The following RIMBP2 variants were observed in gnomAD, a reference collection of about 807,000 sequenced individuals.
RIMBP2 encodes RIMS-binding protein 2.
A neutral mutation model predicts 118.6 loss-of-function variants in RIMBP2; 48 were observed. The ratio of observed to expected loss-of-function variants is 0.40; its 90% CI spans 0.32 to 0.51. The LOEUF (loss-of-function observed/expected upper bound fraction) is 0.51, where lower values mean the gene tolerates loss of function less well. Ranked by LOEUF, RIMBP2 falls within the 20% of genes least tolerant of loss-of-function variation. The pLI is 0.41. For missense variants in RIMBP2, 1,551 were observed against 1,768.3 expected (o/e 0.88, Z 2.20); for synonymous variants, 762 against 742.9 (o/e 1.03, Z -0.42).
intron 1 of RIMBP2, among the ~76,000 whole-genome samples, chr12:130,695,806 G>A (rs2065539532): frequency 6.6e-6 from 1 of 152,026 alleles, no homozygotes; most frequent in Non-Finnish European, 1.5e-5. Flanking sequence ...CAGGGGAGGT[G>A]GGAAGAAGAG....
chr12:130,671,862 A>G (rs912566714), intron 1 of RIMBP2, among the ~76,000 whole-genome samples: 4 of 152,226 alleles, frequency 2.6e-5, no homozygotes, highest in African/African-American at 9.6e-5. Context: ...GAAATGATAC[A>G]ATATTGAAAT....
intron 2 of RIMBP2, among the ~76,000 whole-genome samples, chr12:130,606,467 T>G (rs1053313155): frequency 2.0e-5 from 3 of 152,190 alleles, no homozygotes; most frequent in Admixed American, 2.0e-4. Context: ...GAGGCAGGTC[T>G]TTAGGTGGCT....
At chr12:130,567,564 G>T (rs939737802) in intron 2 of RIMBP2, among the ~76,000 whole-genome samples, 3 of 152,188 alleles carry the variant, frequency 2.0e-5, no homozygotes, top group Non-Finnish European at 4.4e-5. Flanking sequence ...GTCCCTGAGG[G>T]TCTTTGTCCA....
At position 130,415,934 on chromosome 12, in the gene RIMBP2, A is replaced by T. The variant is rs77576392; in HGVS notation, c.3239-1628T>A. On this transcript the variant is annotated intron_variant, in intron 17 of 22. Coordinates refer to ENST00000690449, the MANE Select transcript of RIMBP2 (RefSeq NM_001393629.1). ...AATTGTTCAAGCTGAGAGCCAAATC[A>T]TGAATGCAATCCCATTGACAATAGC... Among the ~76,000 whole-genome samples, 1,120 of 151,578 alleles carry T rather than the reference A, an allele frequency of 7.4e-3. 81 individuals carry two copies. In the East Asian group the frequency reaches 0.19, roughly 25 times the overall value.
At chr12:130,627,852 G>A (rs1256853751) in intron 2 of RIMBP2, among the ~76,000 whole-genome samples, 5 of 152,150 alleles carry the variant, frequency 3.3e-5, no homozygotes, top group East Asian at 3.9e-4. Context: ...CTACATGGTC[G>A]CCGCCTAATC....
At chr12:130,414,007 C>A (rs1025010084) in intron 18 of RIMBP2, 118 bp downstream of exon 18, 101 of 1,114,606 alleles carry the variant, frequency 9.1e-5, no homozygotes, top group Non-Finnish European at 1.3e-4. Flanking sequence ...CCGTGCCTCG[C>A]CCATGGCCTG....
intron 4 of RIMBP2, among the ~76,000 whole-genome samples, chr12:130,482,020 C>T (rs1002039146): frequency 2.7e-5 from 4 of 150,642 alleles, no homozygotes; most frequent in East Asian, 2.0e-4. Context: ...TTTAGGAGGA[C>T]GGGGACAAGC....
chr12:130,506,222 CT>C (rs1349546048), intron 4 of RIMBP2, among the ~76,000 whole-genome samples: 3 of 152,216 alleles, frequency 2.0e-5, no homozygotes, highest in African/African-American at 4.8e-5. Flanking sequence ...CCTGTACCCC[CT>C]GATAGAGCAA....
At chr12:130,546,482 G>C (rs2055180213) in intron 2 of RIMBP2, among the ~76,000 whole-genome samples, 1 of 152,112 alleles carries the variant, frequency 6.6e-6, no homozygotes, top group Non-Finnish European at 1.5e-5. Flanking sequence ...TTTTAGTAGA[G>C]ATGGGGTTTT....
At chr12:130,678,737 C>T (rs554725660) in intron 1 of RIMBP2, among the ~76,000 whole-genome samples, 1 of 152,128 alleles carries the variant, frequency 6.6e-6, no homozygotes, top group Admixed American at 6.5e-5. Context: ...AGGCTGGTCT[C>T]GAACTCCTGA....
intron 21 of RIMBP2, among the ~76,000 whole-genome samples, chr12:130,401,108 G>T (rs535298680): frequency 2.8e-4 from 43 of 151,906 alleles, no homozygotes; most frequent in Admixed American, 1.5e-3. Context: ...ACTTAAAAAT[G>T]ATTTTATATC....
At chr12:130,570,661 G>A (rs1041052632) in intron 2 of RIMBP2, among the ~76,000 whole-genome samples, 13 of 152,122 alleles carry the variant, frequency 8.5e-5, no homozygotes, top group Admixed American at 6.5e-4. Context: ...TGGAGGAGTC[G>A]TCTAGTCTGC....
At position 130,667,073 on chromosome 12, in the gene RIMBP2, GAGGAAAAAAT is replaced by G. The variant is rs1352916653; in HGVS notation, c.-351-38627_-351-38618del. 3.4e-3 allele frequency among the ~76,000 whole-genome samples: 227 copies of G among 66,714 alleles called. 2 individuals are homozygous for G. The highest frequency in any genetic ancestry group is 4.5e-3 in the Non-Finnish European group (130 of 28,676). The allele number at this position is 66,714 out of a possible 152,430, so 43.8% of individuals were successfully genotyped here. A position where few individuals can be genotyped will look rare whatever the true frequency, so the allele number is the denominator to read the frequency against. ...GGAGGGAGAAAAGGAAGAAGGGAGG[GAGGAAAAAAT>G]GAGGGAGGGAGGATGGGAGAAAAAA... On this transcript the variant is annotated intron_variant, in intron 1 of 22. Coordinates refer to ENST00000690449, the MANE Select transcript of RIMBP2 (RefSeq NM_001393629.1).
intron 2 of RIMBP2, among the ~76,000 whole-genome samples, chr12:130,524,452 G>A (rs12367429): frequency 0.02 from 3,027 of 152,244 alleles, 52 homozygotes; most frequent in Non-Finnish European, 0.03. Context: ...CAGACCCACA[G>A]TGGAGAGGAC....
At chr12:130,577,169 A>G (rs1367196803) in intron 2 of RIMBP2, among the ~76,000 whole-genome samples, 2 of 152,140 alleles carry the variant, frequency 1.3e-5, no homozygotes, top group African/African-American at 4.8e-5. Flanking sequence ...CATGTGCCTC[A>G]AGCTCTCTGC....
chr12:130,414,170 A>T lies in RIMBP2; in HGVS notation c.3375T>A (p.Asp1125Glu). ...YDPLTMSPNP[D>E]AAEEELPFKE... is the part of the protein sequence containing the mutation. ...TAAAGGGAAGCTCCTCCTCTGCAGC[A>T]TCTGGGTTTGGGGACATGGTGAGCG... is the stretch of plus-strand genomic sequence containing the variant. The change falls in exon 18 of 23, where the codon GAT becomes GAA. Residue 1125 changes from aspartate to glutamate, a missense_variant. This residue lies in a region of RIMBP2 where 1,038 missense variants were observed against 1,125.1 expected (regional missense o/e 0.92). Transcript: ENST00000690449. 2 of 1,614,194 alleles carry T rather than the reference A, an allele frequency of 1.2e-6. No individual in the cohort carries two copies. Among genetic ancestry groups the T allele is most frequent in the East Asian group, 2.2e-5 (1 of 44,876 alleles).
At chr12:130,438,335 A>AGCCAACCCC in intron 12 of RIMBP2, 30 bp downstream of exon 12, 1 of 865,014 alleles carries the variant, frequency 1.2e-6, no homozygotes, top group Non-Finnish European at 1.9e-6. Flanking sequence ...GGCCTAACAA[A>AGCCAACCCC]CCCTCCCCAC....
intron 3 of RIMBP2, among the ~76,000 whole-genome samples, chr12:130,512,832 A>G (rs1184823944): frequency 6.6e-6 from 1 of 152,244 alleles, no homozygotes; most frequent in Non-Finnish European, 1.5e-5. Context: ...GAAATGCAAG[A>G]TGAACAACAG....
In RIMBP2 at chr12:130,491,811, C is replaced by T. The variant is rs73446568; in HGVS notation, c.-3-12795G>A. On this transcript the variant is annotated intron_variant, in intron 4 of 22. Transcript: ENST00000690449. ...GAAAAGTACTCAGGATTATGCGCCA[C>T]GGCCAAAACTGCCTGTCTGAAACGC... Among the ~76,000 whole-genome samples the T allele has an allele frequency of 6.6e-3, 1,004 of 152,380 alleles. 10 individuals carry two copies. Among genetic ancestry groups the T allele is most frequent in the African/African-American group, 0.023 (953 of 41,586 alleles).
Sources: allele counts gnomAD v4.1 joint callset (sites outside exome capture counted in the v4.1 genomes callset), GRCh38; gene constraint gnomAD v4.1.1; regional missense constraint gnomAD v4.1.1; transcripts MANE v1.5; gene names NCBI Gene and HGNC (gene_info 2026-07-23, HGNC 2026-07-21).